The following ENG variants were observed in gnomAD, a reference collection of about 807,000 sequenced individuals.
The protein encoded by ENG is CD105 antigen.
In ENG, 17 loss-of-function variants were observed where a neutral mutation model predicts 71.0. The observed-to-expected ratio is 0.24, with a 90% CI of 0.16 to 0.36. The LOEUF is 0.36. Ranked by LOEUF, ENG falls within the 10% of genes least tolerant of loss-of-function variation. The pLI is 1.00. For synonymous variants in ENG, 360 were observed against 366.9 expected, an observed-to-expected ratio of 0.98 and a Z score of 0.21; for missense variants, 749 against 868.3, an observed-to-expected ratio of 0.86 and a Z score of 1.73.
Position 127,842,658 on chromosome 9 carries a change from C to T in ENG, c.219+436G>A, listed in dbSNP as rs370309780. On this transcript the variant is annotated intron_variant, in intron 2 of 14. Coordinates refer to ENST00000373203, the MANE Select transcript of ENG (RefSeq NM_001114753.3). ...CAGAATGGTCTCGATCTCCTGACCTCGTGATCTACCCGCCTCGGCCTCCTA... is the reference window on the plus strand; with the variant it reads ...CAGAATGGTCTCGATCTCCTGACCTTGTGATCTACCCGCCTCGGCCTCCTA... Among the ~76,000 whole-genome samples, 16 of 152,238 alleles carry T rather than the reference C, an allele frequency of 1.1e-4. No homozygotes were observed. In the East Asian group the frequency reaches 2.5e-3, roughly 24 times the overall value.
At chr9:127,834,661 C>T (rs2131903629) in intron 2 of ENG, among the ~76,000 whole-genome samples, 1 of 152,096 alleles carries the variant, frequency 6.6e-6, no homozygotes, top group South Asian at 2.1e-4. Flanking sequence ...CCTCAGCCTC[C>T]CAAAGTGCTG....
Position 127,829,716 on chromosome 9 carries a change from C to T in ENG, c.331G>A (p.Ala111Thr), listed in dbSNP as rs752700709. Residue 111 changes from alanine (A) to threonine (T), a missense_variant, in exon 3 of 15, where the codon GCC becomes ACC. Coordinates refer to ENST00000373203, the MANE Select transcript of ENG (RefSeq NM_001114753.3). ...VNSSVFLHLQ[A>T]LGIPLHLAYN... ...GCCAAGTGCAGTGGGATTCCCAGGG[C>T]CTGGAGATGCAGGAAGACACTGCTG... is the stretch of plus-strand genomic sequence containing the variant. 1.2e-6 allele frequency: 2 copies of T among 1,613,976 alleles called. No homozygotes were observed. Among genetic ancestry groups the T allele is most frequent in the Non-Finnish European group, 1.7e-6 (2 of 1,180,012 alleles).
chr9:127,850,710 C>T lies in ENG; in HGVS notation c.67+3579G>A, dbSNP rs377478192. On this transcript the variant is annotated intron_variant, in intron 1 of 14. Coordinates refer to ENST00000373203, the MANE Select transcript of ENG (RefSeq NM_001114753.3). ...GACTTTAAGTCCTCCAGCAAAGGAT[C>T]CTCCACACTCAGGAACACTCTTCAA... Among the ~76,000 whole-genome samples the T allele has an allele frequency of 6.0e-4, 92 of 152,358 alleles. 1 individual carries two copies. Among genetic ancestry groups the T allele is most frequent in the Middle Eastern group, 3.4e-3 (1 of 294 alleles).
Position 127,843,145 on chromosome 9 carries a change from C to G in ENG, c.168G>C (p.Gln56His), listed in dbSNP as rs1404381797. The G allele has an allele frequency of 1.2e-6, 2 of 1,614,254 alleles. No individual in the cohort carries two copies. The highest frequency in any genetic ancestry group is 2.7e-5 in the African/African-American group (2 of 75,052). ...GGACTTCAAGGATGGCATTGGGGGC[C>G]TGAGCCACGCAGCCCTTCGAGACCT... Reference protein sequence around the residue: ...TSQVSKGCVAQAPNAILEVHV... With the variant: ...TSQVSKGCVAHAPNAILEVHV... Residue 56 changes from glutamine to histidine, a missense_variant, in exon 2 of 15, where the codon CAG becomes CAC. By Grantham distance (24) the Gln-to-His change is conservative (BLOSUM62 0). Coordinates refer to ENST00000373203, the MANE Select transcript of ENG (RefSeq NM_001114753.3).
chr9:127,818,514 TG>T, intron 11 of ENG, 137 bp from the exon 12 acceptor site: 1 of 1,505,292 alleles, frequency 6.6e-7, no homozygotes, highest in Non-Finnish European at 9.0e-7. Flanking sequence ...TGGACCTGTC[TG>T]GGGCAGAGGA....
At chr9:127,817,368 T>C (rs1325497398) in intron 12 of ENG, 165 bp from the exon 13 acceptor site, 7 of 731,906 alleles carry the variant, frequency 9.6e-6, no homozygotes, top group Non-Finnish European at 1.2e-5. Flanking sequence ...ATCTGTGCTG[T>C]GGGAGGGTGC....
chr9:127,825,771 G>C lies in ENG; in HGVS notation c.613C>G (p.Arg205Gly). The C allele has an allele frequency of 6.3e-7, 1 of 1,598,454 alleles. No homozygotes were observed. Among genetic ancestry groups the C allele is most frequent in the Non-Finnish European group, 8.5e-7 (1 of 1,174,138 alleles). Residue 205 changes from arginine to glycine, a missense_variant, in exon 5 of 15, where the codon CGG becomes GGG. Arg to Gly is a moderately radical substitution (Grantham distance 125). Transcript: ENST00000373203. ...EWRPRTPALV[R>G]GCHLEGVAGH... ...GCCACGCCTTCCAAGTGGCAGCCCC[G>C]GACCAAGGCTGGAGTACGCGGCCGC... is the stretch of plus-strand genomic sequence containing the variant.
At position 127,838,773 on chromosome 9, in the gene ENG, C is replaced by T. The variant is rs905420506; in HGVS notation, c.219+4321G>A. Among the ~76,000 whole-genome samples, 3 of 152,160 alleles carry T rather than the reference C, an allele frequency of 2.0e-5. No homozygotes were observed. The highest frequency in any genetic ancestry group is 2.0e-4 in the Admixed American group (3 of 15,272). ...CCTGGGCCCCCTCCCGGAATCCAGG[C>T]TCCGGCCTGCCCTTCAGGGACCCAG... On this transcript the variant is annotated intron_variant, in intron 2 of 14. Transcript: ENST00000373203. The surrounding 1 kb of genome is among the most constrained non-coding windows in gnomAD (Gnocchi z 4.3).
At position 127,815,643 on chromosome 9, in the gene ENG, G is replaced by T. The variant is rs1238444554; in HGVS notation, c.*39C>A. On this transcript the variant is annotated 3_prime_UTR_variant, in exon 15 of 15. Coordinates refer to ENST00000373203, the MANE Select transcript of ENG (RefSeq NM_001114753.3). ...ACACCAGTGCTCCCAGCTGGCGGCT[G>T]CTCAGTCTCTCCTGCTGGGCGAGCG... 1 of 1,541,380 alleles carries T rather than the reference G, an allele frequency of 6.5e-7. No homozygotes were observed.
At chr9:127,844,916 G>A (rs770940299) in intron 1 of ENG, among the ~76,000 whole-genome samples, 19 of 152,328 alleles carry the variant, frequency 1.2e-4, no homozygotes, top group East Asian at 5.8e-4. Flanking sequence ...AGGGCGAGCC[G>A]AGAAGGCGGC....
chr9:127,840,846 C>G (rs925815389), intron 2 of ENG, among the ~76,000 whole-genome samples: 1 of 152,196 alleles, frequency 6.6e-6, no homozygotes, highest in Non-Finnish European at 1.5e-5. Context: ...GAGGCAGAGG[C>G]TAACAGGGAG....
intron 1 of ENG, among the ~76,000 whole-genome samples, chr9:127,850,485 G>C (rs1239215978): frequency 6.6e-6 from 1 of 152,188 alleles, no homozygotes; most frequent in African/African-American, 2.4e-5. Context: ...TGGGGTGAGG[G>C]AGAATGCTAA....
intron 4 of ENG, 126 bp downstream of exon 4, chr9:127,826,384 T>C: frequency 8.1e-7 from 1 of 1,241,458 alleles, no homozygotes; most frequent in Non-Finnish European, 1.1e-6. Flanking sequence ...GCTTGTGGCA[T>C]GTGAACTGTG....
At chr9:127,851,628 C>A (rs912227000) in intron 1 of ENG, among the ~76,000 whole-genome samples, 3 of 152,040 alleles carry the variant, frequency 2.0e-5, no homozygotes, top group Non-Finnish European at 4.4e-5. Context: ...CACCTGTAAT[C>A]CCAGCACTTT....
At position 127,825,306 on chromosome 9, in the gene ENG, G is replaced by T; in HGVS notation, c.741C>A (p.Leu247=). ...KVELSCAPGD[L]DAVLILQGPP... is the part of the protein sequence containing the mutation. Reference sequence around the variant, plus strand: ...GACCCTGCAGGATGAGGACGGCATCGAGATCCCCGGGTGCGCAGCTCAGTT... The same window carrying T: ...GACCCTGCAGGATGAGGACGGCATCTAGATCCCCGGGTGCGCAGCTCAGTT... The change falls in exon 6 of 15, where the codon CTC becomes CTA. Residue 247 remains leucine (L), a synonymous_variant. Transcript: ENST00000373203. 6.2e-7 allele frequency: 1 copy of T among 1,611,464 alleles called. No individual in the cohort carries two copies. The highest frequency in any genetic ancestry group is 1.1e-5 in the South Asian group (1 of 90,948).
intron 2 of ENG, among the ~76,000 whole-genome samples, chr9:127,842,074 T>C (rs1831046969): frequency 6.6e-6 from 1 of 152,140 alleles, no homozygotes; most frequent in African/African-American, 2.4e-5. Context: ...TCAGACAAAC[T>C]GATGGTGGGC....
intron 2 of ENG, among the ~76,000 whole-genome samples, chr9:127,837,217 T>G (rs999480403): frequency 6.6e-6 from 1 of 152,088 alleles, no homozygotes; most frequent in Non-Finnish European, 1.5e-5. Context: ...ACTACAAATC[T>G]CTCAGCCATG....
chr9:127,818,646 G>A, intron 11 of ENG, 70 bp downstream of exon 11: 2 of 1,536,220 alleles, frequency 1.3e-6, no homozygotes, highest in African/African-American at 1.4e-5. Context: ...CTGGAGTCAT[G>A]GTGGGAAGAA....
chr9:127,818,520 A>AGAG, intron 11 of ENG, 143 bp from the exon 12 acceptor site: 2 of 1,484,638 alleles, frequency 1.3e-6, no homozygotes, highest in Non-Finnish European at 9.2e-7. Context: ...TGTCTGGGGC[A>AGAG]GAGGAGGAGG....
Sources: gnomAD v4.1 joint callset for allele counts (sites outside exome capture counted in the v4.1 genomes callset) on GRCh38, gnomAD v4.1.1 for gene constraint, Gnocchi (gnomAD v3.1) non-coding constraint, MANE v1.5 for transcripts, NCBI Gene and HGNC (gene_info 2026-07-23, HGNC 2026-07-21) for gene names.